The following TIMM8A variants were observed in gnomAD, a reference collection of about 807,000 sequenced individuals.
The protein encoded by TIMM8A is mitochondrial import inner membrane translocase subunit Tim8 A.
Under a neutral mutation model 6.8 loss-of-function variants are expected in TIMM8A, and 2 were observed. The ratio of observed to expected loss-of-function variants is 0.30; its 90% CI spans 0.12 to 0.93. The LOEUF (loss-of-function observed/expected upper bound fraction) is 0.93. TIMM8A is among the 40% of genes least tolerant of loss of function. The pLI, the probability that TIMM8A is intolerant of heterozygous loss-of-function variation, is 0.55. For missense variants in TIMM8A, 34 were observed against 75.2 expected (o/e 0.45, Z 2.02); for synonymous variants, 26 against 28.5 (o/e 0.91, Z 0.28).
chrX:101,346,881 A>G (rs1555976162), intron 1 of TIMM8A: 1 of 353,025 alleles, frequency 2.8e-6, no homozygotes, highest in African/African-American at 2.6e-5. Flanking sequence ...AGATACTATT[A>G]TAAATCCTCA....
chrX:101,348,018 C>A (rs1338965473), intron 1 of TIMM8A: 54 of 850,873 alleles, frequency 6.3e-5, no homozygotes, highest in Non-Finnish European at 7.3e-5. Flanking sequence ...AACAATCCAA[C>A]AAGAAAGCAA....
intron 1 of TIMM8A, chrX:101,348,153 A>AGATTCACT: frequency 9.3e-7 from 1 of 1,080,181 alleles, no homozygotes; most frequent in Non-Finnish European, 1.2e-6. Context: ...CAGGAATAGC[A>AGATTCACT]GATTCACTGA....
intron 1 of TIMM8A, chrX:101,348,041 G>T: frequency 1.1e-6 from 1 of 909,097 alleles, no homozygotes; most frequent in Non-Finnish European, 1.4e-6. Flanking sequence ...AAGTATGTAC[G>T]TTGGAAGAGA....
rs1249454810 is a variant in TIMM8A at position 101,346,101 on chromosome X, G to C, written c.*398C>G. 10 of 834,260 alleles carry C rather than the reference G, an allele frequency of 1.2e-5. No individual in the cohort carries two copies. The African/African-American group carries it at 2.0e-4, about 16-fold the overall frequency. 68.8% of individuals were successfully genotyped at this position (834,260 alleles called of 1,213,427 possible). On this transcript the variant is annotated 3_prime_UTR_variant, in exon 2 of 2. Transcript: ENST00000372902. ...ACCAAATTATTCTTCCCCTACTTCT[G>C]CCCTTTCTGATAAACACAAGGATCT...
rs1555976116 is a variant in TIMM8A at position 101,346,572 on chromosome X, C to T, written c.221G>A (p.Ser74Asn). The T allele has an allele frequency of 8.3e-7, 1 of 1,211,894 alleles. No individual in the cohort carries two copies. The highest frequency in any genetic ancestry group is 1.8e-5 in the South Asian group (1 of 57,002). Residue 74 changes from serine to asparagine, a missense_variant, in exon 2 of 2, where the codon AGC (serine) becomes AAC (asparagine). Coordinates refer to ENST00000372902, the MANE Select transcript of TIMM8A (RefSeq NM_004085.4). Reference sequence around the variant, plus strand: ...TTCCAGTCGATTCAAGATGAACTGGCTTGTATCAATGAAGCGCTCAACGCA... The same window carrying T: ...TTCCAGTCGATTCAAGATGAACTGGTTTGTATCAATGAAGCGCTCAACGCA... ...VNCVERFIDT[S>N]QFILNRLEQT...
chrX:101,347,863 T>C (rs1055428398), intron 1 of TIMM8A: 1 of 169,070 alleles, frequency 5.9e-6, no homozygotes, highest in Non-Finnish European at 9.6e-6. Flanking sequence ...ATTCTGTGAA[T>C]TGTGTACATT....
chrX:101,347,459 G>C (rs1926101191), intron 1 of TIMM8A: 1 of 109,693 alleles, frequency 9.1e-6, no homozygotes, highest in Admixed American at 9.7e-5. Context: ...ACAGGGCTTC[G>C]CCGTGTTGCC....
chrX:101,346,045 C>T lies in TIMM8A; in HGVS notation c.*454G>A. Reference sequence around the variant, plus strand: ...AAACACTCTTACAGATATTTTTCTCCAGCATTGACAATCAAACACTAGATA... The same window carrying T: ...AAACACTCTTACAGATATTTTTCTCTAGCATTGACAATCAAACACTAGATA... On this transcript the variant is annotated 3_prime_UTR_variant, in exon 2 of 2. Coordinates refer to ENST00000372902, the MANE Select transcript of TIMM8A (RefSeq NM_004085.4). 1 of 802,696 alleles carries T rather than the reference C, an allele frequency of 1.2e-6. No individual in the cohort carries two copies. Among genetic ancestry groups the T allele is most frequent in the South Asian group, 5.1e-5 (1 of 19,689 alleles). 66.2% of individuals were successfully genotyped at this position (802,696 alleles called of 1,213,427 possible).
At position 101,345,893 on chromosome X, in the gene TIMM8A, T is replaced by C. The variant is rs1389392320; in HGVS notation, c.*606A>G. ...ATAAGAATTATGTTCACTGGCTAGATTCCTTTATAACTAAAGGCCTCTAGA... is the reference window on the plus strand; with the variant it reads ...ATAAGAATTATGTTCACTGGCTAGACTCCTTTATAACTAAAGGCCTCTAGA... On this transcript the variant is annotated 3_prime_UTR_variant, in exon 2 of 2. Coordinates refer to ENST00000372902, the MANE Select transcript of TIMM8A (RefSeq NM_004085.4). 3 of 751,089 alleles carry C rather than the reference T, an allele frequency of 4.0e-6. No homozygotes were observed. The highest frequency in any genetic ancestry group is 2.3e-5 in the African/African-American group (1 of 43,026). The allele number at this position is 751,089 out of a possible 1,213,427, so 61.9% of individuals were successfully genotyped here.
Position 101,345,713 on chromosome X carries a change from A to G in TIMM8A, c.*786T>C. ...TGATCAGAAGAATGCAGTAAATGGAATCTACACTAACTAACATTAGGCATG... is the reference window on the plus strand; with the variant it reads ...TGATCAGAAGAATGCAGTAAATGGAGTCTACACTAACTAACATTAGGCATG... On this transcript the variant is annotated 3_prime_UTR_variant, in exon 2 of 2. Transcript: ENST00000372902. The G allele has an allele frequency of 6.6e-6, 5 of 752,968 alleles. No individual in the cohort carries two copies. Among genetic ancestry groups the G allele is most frequent in the Non-Finnish European group, 7.8e-6 (5 of 637,813 alleles). 62.1% of individuals were successfully genotyped at this position (752,968 alleles called of 1,213,427 possible).
rs782190612 is a variant in TIMM8A at position 101,348,525 on chromosome X, C to T, written c.132+8G>A. 12 of 1,205,290 alleles carry T rather than the reference C, an allele frequency of 1.0e-5. No homozygotes were observed. In the East Asian group the frequency reaches 3.3e-4, roughly 33 times the overall value. ...ACAGTGTTCAGGTCCCAGCCCCAGGCTCCTCACCCAACAAAGTTCAGTCAT... is the reference window on the plus strand; with the variant it reads ...ACAGTGTTCAGGTCCCAGCCCCAGGTTCCTCACCCAACAAAGTTCAGTCAT... On this transcript the variant is annotated splice_region_variant and intron_variant, in intron 1 of 1. Transcript: ENST00000372902.
chrX:101,348,382 T>A, intron 1 of TIMM8A, 151 bp downstream of exon 1: 1 of 1,178,769 alleles, frequency 8.5e-7, no homozygotes, highest in African/African-American at 1.8e-5. Context: ...CCTTCTCCCA[T>A]CCGGCTAGGC....
rs1271505027 is a variant in TIMM8A, at chrX:101,346,015, T to C, written c.*484A>G. On this transcript the variant is annotated 3_prime_UTR_variant, in exon 2 of 2. Transcript: ENST00000372902. Reference sequence around the variant, plus strand: ...GGAGATCAAGATAACTGAAGTGTACTGTATAAACACTCTTACAGATATTTT... The same window carrying C: ...GGAGATCAAGATAACTGAAGTGTACCGTATAAACACTCTTACAGATATTTT... 4 of 772,672 alleles carry C rather than the reference T, an allele frequency of 5.2e-6. No homozygotes were observed. The highest frequency in any genetic ancestry group is 1.3e-4 in the East Asian group (1 of 7,647). 63.7% of individuals were successfully genotyped at this position (772,672 alleles called of 1,213,427 possible). A position where few individuals can be genotyped will look rare whatever the true frequency, so the allele number is the denominator to read the frequency against.
At chrX:101,348,433 C>T in intron 1 of TIMM8A, 100 bp downstream of exon 1, 3 of 427,135 alleles carry the variant, frequency 7.0e-6, no homozygotes, top group Non-Finnish European at 1.3e-5. Context: ...GCCAGGTGCC[C>T]GCCCCCCACC....
intron 1 of TIMM8A, chrX:101,347,354 AGG>A (rs781898955): frequency 9.3e-6 from 1 of 107,865 alleles, no homozygotes; most frequent in African/African-American, 3.4e-5. Flanking sequence ...AACCTCCGCC[AGG>A]TTCAAGCCAT....
Position 101,346,575 on chromosome X carries a change from G to A in TIMM8A, c.218C>T (p.Thr73Ile). 6 of 1,211,878 alleles carry A rather than the reference G, an allele frequency of 5.0e-6. No homozygotes were observed. The highest frequency in any genetic ancestry group is 6.7e-6 in the Non-Finnish European group (6 of 895,567). ...FVNCVERFIDTSQFILNRLEQ... is the reference protein window; with the variant it reads ...FVNCVERFIDISQFILNRLEQ... ...CAGTCGATTCAAGATGAACTGGCTT[G>A]TATCAATGAAGCGCTCAACGCAGTT... The change falls in exon 2 of 2, where the codon ACA becomes ATA. Residue 73 changes from threonine to isoleucine, a missense_variant. Physicochemically the swap from Thr to Ile is moderately conservative, Grantham distance 89 (BLOSUM62 -1). Transcript: ENST00000372902.
chrX:101,347,933 C>T (rs1926117189), intron 1 of TIMM8A: 1 of 604,212 alleles, frequency 1.7e-6, no homozygotes, highest in Non-Finnish European at 2.0e-6. Flanking sequence ...ATACCTTCCA[C>T]CCTTTTGCCA....
Position 101,346,449 on chromosome X carries a change from G to T in TIMM8A, c.*50C>A, listed in dbSNP as rs181919155. 500 of 1,208,758 alleles carry T rather than the reference G, an allele frequency of 4.1e-4. 4 individuals are homozygous for T. In the African/African-American group the frequency reaches 7.6e-3, roughly 18 times the overall value. Reference sequence around the variant, plus strand: ...TGTTTCTTCAATCATCCCATCAACAGCTCTTCATTTCTTGAACTACCTTCC... The same window carrying T: ...TGTTTCTTCAATCATCCCATCAACATCTCTTCATTTCTTGAACTACCTTCC... On this transcript the variant is annotated 3_prime_UTR_variant, in exon 2 of 2. Coordinates refer to ENST00000372902, the MANE Select transcript of TIMM8A (RefSeq NM_004085.4).
At position 101,346,272 on chromosome X, in the gene TIMM8A, C is replaced by T. The variant is rs782638910; in HGVS notation, c.*227G>A. On this transcript the variant is annotated 3_prime_UTR_variant, in exon 2 of 2. Transcript: ENST00000372902. ...TATGCATCTAAATAGAGTTTTCTTT[C>T]GCCTGTCAATTATTTTCACAAGATT... 48 of 1,063,266 alleles carry T rather than the reference C, an allele frequency of 4.5e-5. No homozygotes were observed. Among genetic ancestry groups the T allele is most frequent in the East Asian group, 1.4e-4 (4 of 27,937 alleles). The allele number at this position is 1,063,266 out of a possible 1,213,427, so 87.6% of individuals were successfully genotyped here. A position where few individuals can be genotyped will look rare whatever the true frequency, so the allele number is the denominator to read the frequency against.
Sources: gnomAD v4.1 joint callset for allele counts on GRCh38, gnomAD v4.1.1 for gene constraint, MANE v1.5 for transcripts, NCBI Gene and HGNC (gene_info 2026-07-23, HGNC 2026-07-21) for gene names.